SLIT2: variants seen among roughly 807,000 people sequenced by gnomAD.
SLIT2 encodes slit guidance ligand 2.
In SLIT2, 41 loss-of-function variants were observed where a neutral mutation model predicts 185.7. That is an observed-to-expected ratio of 0.22 (90% confidence interval 0.17 to 0.29). The LOEUF is 0.29. Ranked by LOEUF, SLIT2 falls within the 10% of genes least tolerant of loss-of-function variation. The pLI, the probability that SLIT2 is intolerant of heterozygous loss-of-function variation, is 1.00. For missense variants in SLIT2, 1,571 were observed against 1,909.0 expected (o/e 0.82, Z 3.30); for synonymous variants, 693 against 680.2 (o/e 1.02, Z -0.29).
At chr4:20,361,316 C>T (rs753178987) in intron 4 of SLIT2, among the ~76,000 whole-genome samples, 23 of 152,054 alleles carry the variant, frequency 1.5e-4, no homozygotes, top group Non-Finnish European at 3.2e-4. Context: ...ATCCATCCAC[C>T]CGTCCACCCA....
In SLIT2 at chr4:20,294,907, C is replaced by T. The variant is rs76287414; in HGVS notation, c.395+26026C>T. On this transcript the variant is annotated intron_variant, in intron 4 of 36. Coordinates refer to ENST00000504154, the MANE Select transcript of SLIT2 (RefSeq NM_004787.4). Reference sequence around the variant, plus strand: ...TAAAAGGTCTGAATGGTATATCACACGAAAATCAGTTGAAGAGACTTGCAC... The same window carrying T: ...TAAAAGGTCTGAATGGTATATCACATGAAAATCAGTTGAAGAGACTTGCAC... 2.0e-3 allele frequency among the ~76,000 whole-genome samples: 303 copies of T among 152,124 alleles called. 1 individual carries two copies. Among genetic ancestry groups the T allele is most frequent in the African/African-American group, 5.7e-3 (237 of 41,494 alleles).
chr4:20,297,187 A>C (rs957112725), intron 4 of SLIT2, among the ~76,000 whole-genome samples: 2 of 152,208 alleles, frequency 1.3e-5, no homozygotes, highest in Non-Finnish European at 2.9e-5. Flanking sequence ...TTAATAAAAT[A>C]TTTTAAAATA....
At position 20,386,921 on chromosome 4, in the gene SLIT2, ACTT is replaced by A. The variant is rs545372844; in HGVS notation, c.396-80828_396-80826del. On this transcript the variant is annotated intron_variant, in intron 4 of 36. Coordinates refer to ENST00000504154, the MANE Select transcript of SLIT2 (RefSeq NM_004787.4). Reference sequence around the variant, plus strand: ...GTGGTGGGCTTTTATTATAGTTTTAACTTCTCAGCCTCTTATGCACATTTCCTT... The same window carrying A: ...GTGGTGGGCTTTTATTATAGTTTTAACTCAGCCTCTTATGCACATTTCCTT... Among the ~76,000 whole-genome samples, 87 of 152,238 alleles carry A rather than the reference ACTT, an allele frequency of 5.7e-4. No homozygotes were observed. In the South Asian group the frequency reaches 0.015, roughly 25 times the overall value.
intron 4 of SLIT2, among the ~76,000 whole-genome samples, chr4:20,367,179 A>G (rs1391060591): frequency 2.0e-5 from 3 of 152,172 alleles, no homozygotes; most frequent in Non-Finnish European, 4.4e-5. Context: ...GTACAAAATC[A>G]TATTCAAAAA....
In SLIT2 at chr4:20,560,641, T is replaced by C. The variant is rs80324730; in HGVS notation, c.2726-6621T>C. On this transcript the variant is annotated intron_variant, in intron 26 of 36. Transcript: ENST00000504154. ...AGTGGAACATTGTTAATTTCTAATATTCCCTTTATTTCTCTTGGTTCAGGA... is the reference window on the plus strand; with the variant it reads ...AGTGGAACATTGTTAATTTCTAATACTCCCTTTATTTCTCTTGGTTCAGGA... Among the ~76,000 whole-genome samples, 402 of 152,090 alleles carry C rather than the reference T, an allele frequency of 2.6e-3. 14 individuals carry two copies. In the East Asian group the frequency reaches 0.062, roughly 24 times the overall value.
At chr4:20,501,570 C>T (rs528040881) in intron 9 of SLIT2, among the ~76,000 whole-genome samples, 1 of 152,202 alleles carries the variant, frequency 6.6e-6, no homozygotes, top group Non-Finnish European at 1.5e-5. Context: ...AAGTGTGACT[C>T]ACCACACCCG....
intron 4 of SLIT2, chr4:20,364,421 A>G (rs1722958603): frequency 4.3e-6 from 1 of 233,904 alleles, no homozygotes; most frequent in Non-Finnish European, 7.0e-6. Flanking sequence ...ATTTTAACAG[A>G]TAATTAAGAA....
At chr4:20,317,214 T>C (rs12646142) in intron 4 of SLIT2, among the ~76,000 whole-genome samples, 36,234 of 151,680 alleles carry the variant, frequency 0.24, 5,245 homozygotes, top group East Asian at 0.6. Flanking sequence ...ACCTGTTTGT[T>C]ACGCAGTATT....
chr4:20,601,099 A>T (rs1728379889), intron 33 of SLIT2, among the ~76,000 whole-genome samples: 1 of 152,176 alleles, frequency 6.6e-6, no homozygotes, highest in Non-Finnish European at 1.5e-5. Flanking sequence ...GACACAAAGA[A>T]ATAGAAACAA....
At chr4:20,353,556 A>G (rs1188393653) in intron 4 of SLIT2, among the ~76,000 whole-genome samples, 2 of 152,238 alleles carry the variant, frequency 1.3e-5, no homozygotes, top group Non-Finnish European at 2.9e-5. Flanking sequence ...TATTTTATGT[A>G]GAACAGGCTG....
At chr4:20,257,816 A>G (rs1577330618) in intron 2 of SLIT2, 52 bp from the exon 3 acceptor site, 2 of 893,576 alleles carry the variant, frequency 2.2e-6, no homozygotes, top group Non-Finnish European at 3.7e-6. Flanking sequence ...ATTGAAATTT[A>G]TTCAGATGGT....
At chr4:20,266,388 A>G (rs558785223) in intron 3 of SLIT2, among the ~76,000 whole-genome samples, 1 of 152,096 alleles carries the variant, frequency 6.6e-6, no homozygotes, top group East Asian at 1.9e-4. Flanking sequence ...TGGAATGGAA[A>G]GGAGGAAACT....
In SLIT2 at chr4:20,610,045, T is replaced by C. The variant is rs1440927908; in HGVS notation, c.3725T>C (p.Ile1242Thr). 4 of 1,613,402 alleles carry C rather than the reference T, an allele frequency of 2.5e-6. No individual in the cohort carries two copies. Among genetic ancestry groups the C allele is most frequent in the Non-Finnish European group, 3.4e-6 (4 of 1,179,514 alleles). ...VETINDGNFH[I>T]VELLALDQSL... ...ACAATCAATGATGGAAACTTCCACA[T>C]TGTGGAACTACTTGCCTTGGATCAG... Residue 1242 changes from isoleucine (I) to threonine (T), a missense_variant, in exon 34 of 37, where the codon ATT becomes ACT. Coordinates refer to ENST00000504154, the MANE Select transcript of SLIT2 (RefSeq NM_004787.4).
intron 4 of SLIT2, among the ~76,000 whole-genome samples, chr4:20,462,577 T>C (rs1713849558): frequency 6.6e-6 from 1 of 152,206 alleles, no homozygotes; most frequent in African/African-American, 2.4e-5. Flanking sequence ...CGTAGTGTTC[T>C]CTAAAAACAT....
At chr4:20,417,720 A>G (rs914551972) in intron 4 of SLIT2, among the ~76,000 whole-genome samples, 7 of 151,380 alleles carry the variant, frequency 4.6e-5, no homozygotes, top group African/African-American at 9.7e-5. Context: ...AGCTTTCACT[A>G]TGTTGGCCAG....
At chr4:20,504,775 C>T (rs1055035578) in intron 9 of SLIT2, among the ~76,000 whole-genome samples, 21 of 152,012 alleles carry the variant, frequency 1.4e-4, no homozygotes, top group African/African-American at 4.8e-4. Context: ...CCCCCCTCTT[C>T]CACAGTTTTG....
At chr4:20,302,648 G>A (rs1717164425) in intron 4 of SLIT2, among the ~76,000 whole-genome samples, 1 of 152,092 alleles carries the variant, frequency 6.6e-6, no homozygotes, top group African/African-American at 2.4e-5. Context: ...TAAGGAGGGA[G>A]GTTAAGGAGA....
At chr4:20,446,901 T>C (rs1055524424) in intron 4 of SLIT2, among the ~76,000 whole-genome samples, 1 of 152,252 alleles carries the variant, frequency 6.6e-6, no homozygotes, top group Non-Finnish European at 1.5e-5. Context: ...ATTATATGTT[T>C]ATGAATGAAA....
At chr4:20,533,414 T>C (rs1560171757) in intron 17 of SLIT2, 158 bp from the exon 18 acceptor site, 1 of 619,642 alleles carries the variant, frequency 1.6e-6, no homozygotes, top group African/African-American at 1.9e-5. Context: ...CCCTTTGTCT[T>C]GATGGTGTAA....
Sources: allele counts gnomAD v4.1 joint callset (sites outside exome capture counted in the v4.1 genomes callset), GRCh38; gene constraint gnomAD v4.1.1; transcripts MANE v1.5; gene names NCBI Gene and HGNC (gene_info 2026-07-23, HGNC 2026-07-21).